Variants in TXLNG observed in about 807,000 individuals in gnomAD.
The protein encoded by TXLNG is taxilin gamma, also known as gamma-taxilin.
A neutral mutation model predicts 38.8 loss-of-function variants in TXLNG; 5 were observed. That is an observed-to-expected ratio of 0.13 (90% confidence interval 0.07 to 0.27). The LOEUF (loss-of-function observed/expected upper bound fraction) is 0.27. Among genes scored for constraint, TXLNG ranks in the 10% least tolerant of loss-of-function variants. The pLI, the probability that TXLNG is intolerant of heterozygous loss-of-function variation, is 1.00. For missense variants in TXLNG, 393 were observed against 398.2 expected (o/e 0.99, Z 0.11); for synonymous variants, 182 against 158.2 (o/e 1.15, Z -1.13).
chrX:16,825,240 A>G (rs1222765111), intron 3 of TXLNG, among the ~76,000 whole-genome samples: 2 of 112,374 alleles, frequency 1.8e-5, no homozygotes, highest in African/African-American at 3.2e-5. Context: ...GCATAAATGA[A>G]GAAATCTGAT....
intron 1 of TXLNG, among the ~76,000 whole-genome samples, chrX:16,794,515 A>G (rs780812186): frequency 9.8e-4 from 96 of 97,621 alleles, no homozygotes; most frequent in Non-Finnish European, 1.8e-3. Context: ...AAAGGTAGAG[A>G]GTTTAGAGAG....
chrX:16,820,347 G>A, intron 3 of TXLNG, 92 bp downstream of exon 3: 1 of 622,915 alleles, frequency 1.6e-6, no homozygotes, highest in Non-Finnish European at 2.5e-6. Flanking sequence ...ATTTGATATG[G>A]CCTTAAATGT....
chrX:16,796,761 A>G (rs1275398230), intron 1 of TXLNG, among the ~76,000 whole-genome samples: 2 of 110,854 alleles, frequency 1.8e-5, no homozygotes, highest in East Asian at 5.7e-4. Context: ...TATTGCTGCC[A>G]AGATGTGGAC....
intron 1 of TXLNG, among the ~76,000 whole-genome samples, chrX:16,795,207 G>A (rs1162563852): frequency 6.3e-5 from 7 of 110,505 alleles, no homozygotes; most frequent in Admixed American, 5.8e-4. Context: ...AACCTGGGAG[G>A]CGGAGCTTGC....
chrX:16,830,753 A>T (rs1006167060), intron 5 of TXLNG, among the ~76,000 whole-genome samples: 1 of 106,573 alleles, frequency 9.4e-6, no homozygotes, highest in African/African-American at 3.4e-5. Flanking sequence ...TTAAAAAAAA[A>T]TTATGGAAAA....
chrX:16,822,316 G>A (rs1929004252), intron 3 of TXLNG, among the ~76,000 whole-genome samples: 1 of 110,143 alleles, frequency 9.1e-6, no homozygotes, highest in African/African-American at 3.3e-5. Flanking sequence ...ACTCCAGCCT[G>A]GACGACAGAG....
chrX:16,841,007 C>T lies in TXLNG; in HGVS notation c.1249-421C>T, dbSNP rs766726964. ...GTCAGGAAATCAAGACCATCCTGGCCAACATGGTGAAACTCCATCTCTACT... is the reference window on the plus strand; with the variant it reads ...GTCAGGAAATCAAGACCATCCTGGCTAACATGGTGAAACTCCATCTCTACT... On this transcript the variant is annotated intron_variant, in intron 9 of 9. Transcript: ENST00000380122. Among the ~76,000 whole-genome samples, 290 of 110,877 alleles carry T rather than the reference C, an allele frequency of 2.6e-3. 2 individuals carry two copies. The highest frequency in any genetic ancestry group is 3.8e-3 in the Non-Finnish European group (200 of 52,916).
intron 8 of TXLNG, among the ~76,000 whole-genome samples, chrX:16,838,719 G>A (rs776236464): frequency 3.5e-4 from 39 of 111,956 alleles, no homozygotes; most frequent in Admixed American, 3.2e-3. Flanking sequence ...CTGCAATTGA[G>A]GGGGCGCTGT....
Position 16,828,238 on chromosome X carries a change from C to G in TXLNG, c.643C>G (p.Leu215Val). ...CAAGCTAGAATCTCTTTGCAGAGAA[C>G]TTCAGCGTCACAATAAGACGTTAAA... ...RSKLESLCRE[L>V]QRHNKTLKEE... Residue 215 changes from leucine (L) to valine (V), a missense_variant, in exon 4 of 10, where the codon CTT becomes GTT. Transcript: ENST00000380122. The G allele has an allele frequency of 1.7e-6, 2 of 1,207,255 alleles. No homozygotes were observed. Among genetic ancestry groups the G allele is most frequent in the Non-Finnish European group, 2.2e-6 (2 of 893,245 alleles).
chrX:16,802,735 T>A (rs1928153284), intron 1 of TXLNG, among the ~76,000 whole-genome samples: 1 of 111,208 alleles, frequency 9.0e-6, no homozygotes, highest in East Asian at 2.8e-4. Flanking sequence ...AGGTCTTTTT[T>A]AAAAAATAAA....
intron 1 of TXLNG, among the ~76,000 whole-genome samples, chrX:16,814,790 A>C (rs1364825175): frequency 8.9e-6 from 1 of 111,991 alleles, no homozygotes; most frequent in Non-Finnish European, 1.9e-5. Flanking sequence ...TTTTCAGGTT[A>C]TGAAAGTGTT....
intron 1 of TXLNG, among the ~76,000 whole-genome samples, chrX:16,801,701 G>T (rs1928097493): frequency 9.0e-6 from 1 of 111,317 alleles, no homozygotes; most frequent in African/African-American, 3.3e-5. Context: ...AGTGGGGTTG[G>T]AGGGAAAGAG....
At chrX:16,811,316 C>T (rs1461859011) in intron 1 of TXLNG, among the ~76,000 whole-genome samples, 2 of 111,777 alleles carry the variant, frequency 1.8e-5, no homozygotes, top group Non-Finnish European at 3.8e-5. Flanking sequence ...TGCCATATGA[C>T]ACCACCTATT....
chrX:16,828,289 T>C (rs779272800), intron 4 of TXLNG, 25 bp downstream of exon 4: 1 of 1,169,960 alleles, frequency 8.5e-7, no homozygotes, highest in Admixed American at 2.3e-5. Flanking sequence ...TTGTCTGTTT[T>C]TTTCAGGAGG....
intron 1 of TXLNG, among the ~76,000 whole-genome samples, chrX:16,799,466 A>G (rs1364302958): frequency 3.6e-5 from 4 of 111,879 alleles, no homozygotes. Flanking sequence ...TGAACTAAAT[A>G]ATGTATTTAA....
chrX:16,788,633 C>T (rs1050781511), intron 1 of TXLNG, among the ~76,000 whole-genome samples: 1 of 108,093 alleles, frequency 9.3e-6, no homozygotes, highest in African/African-American at 3.4e-5. Flanking sequence ...CAGAGTGAGA[C>T]CCTGTCTCTT....
chrX:16,817,546 G>A (rs1197903043), intron 1 of TXLNG, among the ~76,000 whole-genome samples: 1 of 111,794 alleles, frequency 8.9e-6, no homozygotes, highest in East Asian at 2.8e-4. Context: ...ATAAGAGAAG[G>A]ATACTAAACA....
Position 16,843,148 on chromosome X carries a change from C to T in TXLNG, c.*1382C>T, listed in dbSNP as rs916144971. 1 of 112,479 alleles carries T rather than the reference C, an allele frequency of 8.9e-6. No individual in the cohort carries two copies. Among genetic ancestry groups the T allele is most frequent in the Non-Finnish European group, 1.9e-5 (1 of 53,325 alleles). 9.3% of individuals were successfully genotyped at this position (112,479 alleles called of 1,213,427 possible). A position where few individuals can be genotyped will look rare whatever the true frequency, so the allele number is the denominator to read the frequency against. ...CTACTAGAACTGATGTTAGCACATTCCACTGAGCAAAACTATCAGACTGAC... is the reference window on the plus strand; with the variant it reads ...CTACTAGAACTGATGTTAGCACATTTCACTGAGCAAAACTATCAGACTGAC... On this transcript the variant is annotated 3_prime_UTR_variant, in exon 10 of 10. Coordinates refer to ENST00000380122, the MANE Select transcript of TXLNG (RefSeq NM_018360.3).
At chrX:16,835,403 T>C (rs1025934117) in intron 7 of TXLNG, among the ~76,000 whole-genome samples, 6 of 111,767 alleles carry the variant, frequency 5.4e-5, no homozygotes, top group Non-Finnish European at 1.1e-4. Context: ...GTGTCAGATA[T>C]GAGGAATCTT....
Sources: allele counts gnomAD v4.1 joint callset (sites outside exome capture counted in the v4.1 genomes callset), GRCh38; gene constraint gnomAD v4.1.1; transcripts MANE v1.5; gene names NCBI Gene and HGNC (gene_info 2026-07-23, HGNC 2026-07-21).